Variants in MTUS1 observed in about 807,000 individuals in gnomAD.
The protein encoded by MTUS1 is microtubule-associated tumor suppressor 1.
A neutral mutation model predicts 120.8 loss-of-function variants in MTUS1; 109 were observed. The ratio of observed to expected loss-of-function variants is 0.90; its 90% CI spans 0.77 to 1.06. The LOEUF (loss-of-function observed/expected upper bound fraction) is 1.06, where lower values mean the gene tolerates loss of function less well. MTUS1 is among the 50% of genes least tolerant of loss of function. The probability of loss-of-function intolerance (pLI) is 0.00; values close to 1 mark genes in which losing one functional copy is unlikely to be tolerated. For missense variants in MTUS1, 2,210 were observed against 1,486.3 expected (o/e 1.49, Z -8.01); for synonymous variants, 737 against 550.5 (o/e 1.34, Z -4.74).
intron 6 of MTUS1, among the ~76,000 whole-genome samples, chr8:17,706,558 T>G (rs1661851441): frequency 6.6e-6 from 1 of 152,234 alleles, no homozygotes; most frequent in South Asian, 2.1e-4. Flanking sequence ...CAAGGTATGA[T>G]GAAGCCAGGT....
At chr8:17,664,520 T>C (rs1810473310) in intron 8 of MTUS1, among the ~76,000 whole-genome samples, 1 of 149,792 alleles carries the variant, frequency 6.7e-6, no homozygotes, top group African/African-American at 2.5e-5. Flanking sequence ...CCTCCAGCTC[T>C]GCCTGCAGTG....
Position 17,715,880 on chromosome 8 carries a change from T to A in MTUS1, c.2471A>T (p.Lys824Ile), listed in dbSNP as rs951615135. 3.7e-6 allele frequency: 6 copies of A among 1,613,270 alleles called. No homozygotes were observed. Among genetic ancestry groups the A allele is most frequent in the African/African-American group, 1.3e-5 (1 of 74,844 alleles). Residue 824 changes from lysine to isoleucine, a missense_variant, in exon 5 of 15, where the codon AAA becomes ATA. Lys to Ile is a moderately radical substitution (Grantham distance 102, BLOSUM62 -3). Transcript: ENST00000693296. ...TGGTTTTGGAGGTTTCTCCTCATAT[T>A]TGATGACAGCGGCATTACCAGCTGT... ...SNNSGNAAVI[K>I]YEEKPPKPAF...
chr8:17,703,753 C>T (rs1036524121), intron 6 of MTUS1, among the ~76,000 whole-genome samples: 1 of 152,082 alleles, frequency 6.6e-6, no homozygotes, highest in East Asian at 1.9e-4. Flanking sequence ...CGGTTCTCTG[C>T]TCTCAAATCC....
intron 3 of MTUS1, among the ~76,000 whole-genome samples, chr8:17,740,386 G>A (rs553005087): frequency 6.6e-6 from 1 of 152,164 alleles, no homozygotes; most frequent in African/African-American, 2.4e-5. Flanking sequence ...GAACATTTCT[G>A]CCGCTTACCT....
chr8:17,678,911 C>A (rs1563186889), intron 7 of MTUS1, among the ~76,000 whole-genome samples: 1 of 152,072 alleles, frequency 6.6e-6, no homozygotes, highest in Non-Finnish European at 1.5e-5. Flanking sequence ...GCTGTCTGTG[C>A]AGAATACCGT....
At chr8:17,775,215 C>T (rs1267073088) in intron 1 of MTUS1, among the ~76,000 whole-genome samples, 2 of 151,898 alleles carry the variant, frequency 1.3e-5, no homozygotes, top group Admixed American at 1.3e-4. Flanking sequence ...GCCACTGAAC[C>T]GTACACTCAA....
intron 9 of MTUS1, among the ~76,000 whole-genome samples, chr8:17,655,612 T>C (rs1328013909): frequency 6.6e-6 from 1 of 152,092 alleles, no homozygotes; most frequent in Non-Finnish European, 1.5e-5. Context: ...TAGTCCCAGC[T>C]ACTCAGGAGG....
chr8:17,754,042 T>C lies in MTUS1; in HGVS notation c.1766A>G (p.His589Arg), dbSNP rs1174217348. 6.2e-7 allele frequency: 1 copy of C among 1,614,198 alleles called. No homozygotes were observed. The highest frequency in any genetic ancestry group is 8.5e-7 in the Non-Finnish European group (1 of 1,180,026). The change falls in exon 2 of 15, where the codon CAT becomes CGT. Residue 589 changes from histidine to arginine, a missense_variant. Coordinates refer to ENST00000693296, the MANE Select transcript of MTUS1 (RefSeq NM_001363059.2). The stretch of plus-strand genomic sequence containing the variant: ...AGCATTTTTAGAATGAGTTGTAACA[T>C]GCACAGCCTGGCTAGTAATGAGTTT... ...FNKLITSQAV[H>R]VTTHSKNASH...
rs753401106 is a variant in MTUS1, at chr8:17,754,885, T to C, written c.923A>G (p.Gln308Arg). 1 of 1,614,132 alleles carries C rather than the reference T, an allele frequency of 6.2e-7. No homozygotes were observed. ...ATCATGGGATAAACAAAAGAACTCTTGTAATGCAGAATCATTGGGGACTTC... is the reference window on the plus strand; with the variant it reads ...ATCATGGGATAAACAAAAGAACTCTCGTAATGCAGAATCATTGGGGACTTC... ...GMEVPNDSAL[Q>R]EFFCLSHDES... The change falls in exon 2 of 15, where the codon CAA becomes CGA. Residue 308 changes from glutamine (Q) to arginine (R), a missense_variant. Physicochemically the swap from Gln to Arg is conservative, Grantham distance 43. Coordinates refer to ENST00000693296, the MANE Select transcript of MTUS1 (RefSeq NM_001363059.2).
chr8:17,705,328 C>T (rs182312036), intron 6 of MTUS1, among the ~76,000 whole-genome samples: 4 of 152,212 alleles, frequency 2.6e-5, no homozygotes, highest in East Asian at 1.9e-4. Flanking sequence ...AATTATTAAT[C>T]GTTTCTATTA....
At chr8:17,670,204 G>C (rs182582530) in intron 8 of MTUS1, among the ~76,000 whole-genome samples, 1 of 152,198 alleles carries the variant, frequency 6.6e-6, no homozygotes, top group Non-Finnish European at 1.5e-5. Flanking sequence ...GGAAGGAAGG[G>C]GCTGGACCAT....
At chr8:17,783,215 T>C (rs1170349895) in intron 1 of MTUS1, among the ~76,000 whole-genome samples, 2 of 152,222 alleles carry the variant, frequency 1.3e-5, no homozygotes, top group African/African-American at 2.4e-5. Context: ...TCACTGGTCC[T>C]AGCTCTGACA....
intron 6 of MTUS1, among the ~76,000 whole-genome samples, chr8:17,686,759 A>G (rs1585690701): frequency 1.3e-5 from 2 of 152,346 alleles, no homozygotes; most frequent in East Asian, 3.9e-4. Context: ...TAAATCCGTA[A>G]CAAAAATATC....
At chr8:17,707,278 G>C (rs994265234) in intron 6 of MTUS1, among the ~76,000 whole-genome samples, 1 of 152,136 alleles carries the variant, frequency 6.6e-6, no homozygotes, top group Non-Finnish European at 1.5e-5. Flanking sequence ...TCCACCCAAA[G>C]TCACTGGCTT....
intron 4 of MTUS1, among the ~76,000 whole-genome samples, chr8:17,722,990 C>G (rs955814609): frequency 2.0e-5 from 3 of 152,176 alleles, no homozygotes; most frequent in Non-Finnish European, 4.4e-5. Context: ...TTCTCCTCAA[C>G]TATTTTTTAG....
intron 1 of MTUS1, among the ~76,000 whole-genome samples, chr8:17,757,758 C>T (rs1361569925): frequency 6.6e-6 from 1 of 152,104 alleles, no homozygotes; most frequent in African/African-American, 2.4e-5. Context: ...AACTCCTGAC[C>T]TCAGGTAATC....
chr8:17,654,891 C>T (rs1032306702), intron 9 of MTUS1: 6 of 553,532 alleles, frequency 1.1e-5, no homozygotes. Context: ...CAGTTCAAGT[C>T]CAGCCTGGGC....
rs367826450 is a variant in MTUS1, at chr8:17,754,528, C to G, written c.1280G>C (p.Cys427Ser). The G allele has an allele frequency of 2.5e-6, 4 of 1,614,068 alleles. No homozygotes were observed. In the African/African-American group the frequency reaches 4.0e-5, roughly 16 times the overall value. The change falls in exon 2 of 15, where the codon TGC becomes TCC. Residue 427 changes from cysteine (C) to serine (S), a missense_variant. Transcript: ENST00000693296. ...GGGTTCTAGGACTGGTGTTGACATGCACATCGTTTTGTCTGTGCTAATGAC... is the reference window on the plus strand; with the variant it reads ...GGGTTCTAGGACTGGTGTTGACATGGACATCGTTTTGTCTGTGCTAATGAC... The part of the protein sequence containing the change: ...DMVISTDKTM[C>S]MSTPVLEPTK...
intron 1 of MTUS1, among the ~76,000 whole-genome samples, chr8:17,766,286 C>T (rs1413933660): frequency 1.3e-5 from 2 of 152,186 alleles, no homozygotes; most frequent in East Asian, 1.9e-4. Flanking sequence ...CAGACCATCA[C>T]ATGTGAGTAC....
Sources: gnomAD v4.1 joint callset for allele counts (sites outside exome capture counted in the v4.1 genomes callset) on GRCh38, gnomAD v4.1.1 for gene constraint, MANE v1.5 for transcripts, NCBI Gene and HGNC (gene_info 2026-07-23, HGNC 2026-07-21) for gene names.